The following BCAN variants were observed in gnomAD, a reference collection of about 807,000 sequenced individuals.
The protein encoded by BCAN is brevican core protein.
Under a neutral mutation model 92.4 loss-of-function variants are expected in BCAN, and 51 were observed. That is an observed-to-expected ratio of 0.55 (90% CI 0.44 to 0.70). The LOEUF is 0.70. Among genes scored for constraint, BCAN ranks in the 30% least tolerant of loss-of-function variants. The pLI, the probability that BCAN is intolerant of heterozygous loss-of-function variation, is 0.00. For synonymous variants in BCAN, 501 were observed against 505.2 expected (o/e 0.99, Z 0.11); for missense variants, 1,140 against 1,212.1 (o/e 0.94, Z 0.88).
In BCAN at chr1:156,657,757, G is replaced by A. The variant is rs768277024; in HGVS notation, c.2292G>A (p.Leu764=). The A allele has an allele frequency of 7.5e-6, 12 of 1,609,446 alleles. No individual in the cohort carries two copies. The East Asian group carries it at 2.7e-4, about 36-fold the overall frequency. The change falls in exon 11 of 14, where the codon CTG becomes CTA. Residue 764 remains leucine, a splice_region_variant and synonymous_variant. Coordinates refer to ENST00000329117, the MANE Select transcript of BCAN (RefSeq NM_021948.5). The part of the protein sequence containing the change: ...GDFLWSDGVP[L]LYENWNPGQP... ...TCTTGTGGTCGGATGGCGTCCCCCT[G>A]GTGAGAGGCCCCAGTCGAACCCCGC...
At chr1:156,657,415 T>C in intron 10 of BCAN, 1 of 550,944 alleles carries the variant, frequency 1.8e-6, no homozygotes, top group East Asian at 3.1e-5. Flanking sequence ...CAACTCCAAC[T>C]CCAATCTTGT....
At position 156,648,772 on chromosome 1, in the gene BCAN, G is replaced by T; in HGVS notation, c.974G>T (p.Gly325Val). The stretch of plus-strand genomic sequence containing the variant: ...ACACCCAGCCAGCGCTGTGGTGGGG[G>T]CTTGCCTGGTGTCAAGACTCTCTTC... ...IVTPSQRCGG[G>V]LPGVKTLFLF... Residue 325 changes from glycine to valine, a missense_variant, in exon 6 of 14, where the codon GGC becomes GTC. Coordinates refer to ENST00000329117, the MANE Select transcript of BCAN (RefSeq NM_021948.5). 6.2e-7 allele frequency: 1 copy of T among 1,609,062 alleles called. No homozygotes were observed. Among genetic ancestry groups the T allele is most frequent in the South Asian group, 1.1e-5 (1 of 90,890 alleles).
At chr1:156,648,250 C>T in intron 5 of BCAN, 140 bp downstream of exon 5, 1 of 1,254,256 alleles carries the variant, frequency 8.0e-7, no homozygotes, top group Non-Finnish European at 1.1e-6. Context: ...ATTGGTGTCC[C>T]TCTCTCCAAA....
In BCAN at chr1:156,658,671, A is replaced by C. The variant is rs746340159; in HGVS notation, c.2566A>C (p.Ile856Leu). 2 of 1,614,128 alleles carry C rather than the reference A, an allele frequency of 1.2e-6. No individual in the cohort carries two copies. Among genetic ancestry groups the C allele is most frequent in the Non-Finnish European group, 1.7e-6 (2 of 1,180,040 alleles). ...ACTGGCCCAGCGCAATCTGCCGCTG[A>C]TCCGATGCCAAGAGAACGGTCGTTG... The part of the protein sequence containing the change: ...EGLAQRNLPL[I>L]RCQENGRWEA... Residue 856 changes from isoleucine (I) to leucine (L), a missense_variant, in exon 13 of 14, where the codon ATC (isoleucine) becomes CTC (leucine). By Grantham distance (5) the Ile-to-Leu change is conservative (BLOSUM62 2). This residue lies in a region of BCAN where 825 missense variants were observed against 871.8 expected (regional missense o/e 0.95). Transcript: ENST00000329117. The surrounding 1 kb of genome is among the most constrained non-coding windows in gnomAD (Gnocchi z 4.4).
chr1:156,648,093 A>G lies in BCAN; in HGVS notation c.752A>G (p.Tyr251Cys). 1 of 1,613,628 alleles carries G rather than the reference A, an allele frequency of 6.2e-7. No individual in the cohort carries two copies. ...DPDDLYDVYC[Y>C]AEDLNGELFL... Reference sequence around the variant, plus strand: ...GATGACCTCTATGATGTGTACTGTTATGCTGAAGACCTAAATGGTGATTAG... The same window carrying G: ...GATGACCTCTATGATGTGTACTGTTGTGCTGAAGACCTAAATGGTGATTAG... The change falls in exon 5 of 14, where the codon TAT becomes TGT. Residue 251 changes from tyrosine to cysteine, a missense_variant. Coordinates refer to ENST00000329117, the MANE Select transcript of BCAN (RefSeq NM_021948.5).
chr1:156,651,066 C>T (rs1679146310), intron 6 of BCAN, among the ~76,000 whole-genome samples: 1 of 152,246 alleles, frequency 6.6e-6, no homozygotes, highest in South Asian at 2.1e-4. Flanking sequence ...GGGAATATCT[C>T]TCACCTGAGC....
rs1017739899 is a variant in BCAN at position 156,658,009 on chromosome 1, T to G, written c.2293-118T>G. 1.6e-6 allele frequency: 2 copies of G among 1,220,832 alleles called. No homozygotes were observed. The highest frequency in any genetic ancestry group is 2.4e-5 in the Admixed American group (1 of 42,210). 75.6% of individuals were successfully genotyped at this position (1,220,832 alleles called of 1,614,324 possible). ...CTTCCCCGGGAGATCCCCTACCCCCTAGCCCTAACCTTCCCTCTCCTGGGG... is the reference window on the plus strand; with the variant it reads ...CTTCCCCGGGAGATCCCCTACCCCCGAGCCCTAACCTTCCCTCTCCTGGGG... On this transcript the variant is annotated intron_variant, in intron 11 of 13. Transcript: ENST00000329117. This position sits in a 1 kb window ranked among gnomAD's most constrained non-coding sequence, Gnocchi z 4.4.
chr1:156,647,983 G>A lies in BCAN; in HGVS notation c.642G>A (p.Arg214=), dbSNP rs745506954. 1.9e-6 allele frequency: 3 copies of A among 1,613,234 alleles called. No homozygotes were observed. Among genetic ancestry groups the A allele is most frequent in the East Asian group, 4.5e-5 (2 of 44,840 alleles). Reference sequence around the variant, plus strand: ...AAGTGATTCTGTCCTTCCTCCCTAGGTATCCCATCCAGACCCCACGAGAGG... The same window carrying A: ...AAGTGATTCTGTCCTTCCTCCCTAGATATCCCATCCAGACCCCACGAGAGG... ...DAGWLSDQTV[R]YPIQTPREAC... The change falls in exon 5 of 14, where the codon AGG becomes AGA. Residue 214 remains arginine, a splice_region_variant and synonymous_variant. Coordinates refer to ENST00000329117, the MANE Select transcript of BCAN (RefSeq NM_021948.5). The surrounding 1 kb of genome is among the most constrained non-coding windows in gnomAD (Gnocchi z 4.8).
At chr1:156,651,893 G>C (rs999220557) in intron 7 of BCAN, among the ~76,000 whole-genome samples, 1 of 148,346 alleles carries the variant, frequency 6.7e-6, no homozygotes, top group African/African-American at 2.6e-5. Context: ...TATGGAGCTA[G>C]AGATGCTTGC....
rs1295153500 is a variant in BCAN at position 156,651,612 on chromosome 1, C to G, written c.1220C>G (p.Ser407Cys). The G allele has an allele frequency of 6.2e-7, 1 of 1,613,930 alleles. No homozygotes were observed. Among genetic ancestry groups the G allele is most frequent in the Non-Finnish European group, 8.5e-7 (1 of 1,180,030 alleles). The change falls in exon 7 of 14, where the codon TCC becomes TGC. Residue 407 changes from serine to cysteine, a missense_variant. Physicochemically the swap from Ser to Cys is moderately radical, Grantham distance 112. Around this residue, in one of 3 missense-constraint regions of BCAN, gnomAD observed 825 missense variants for 871.8 expected, o/e 0.95. Transcript: ENST00000329117. ...AGTGAATCCCGTGGGGCCATCTACT[C>G]CATCCCCATCATGGAGGACGGAGGA... ...TESESRGAIY[S>C]IPIMEDGGGG...
rs575553934 is a variant in BCAN at position 156,647,277 on chromosome 1, G to A, written c.466+102G>A. On this transcript the variant is annotated intron_variant, in intron 3 of 13. Transcript: ENST00000329117. The surrounding 1 kb of genome is among the most constrained non-coding windows in gnomAD (Gnocchi z 4.8). ...TGTGAGAGGGAAGCAAAGGTAGCTGGAAGGCGCAGCCTGGGTTGGAAAAAG... is the reference window on the plus strand; with the variant it reads ...TGTGAGAGGGAAGCAAAGGTAGCTGAAAGGCGCAGCCTGGGTTGGAAAAAG... The A allele has an allele frequency of 7.9e-5, 109 of 1,381,476 alleles. No homozygotes were observed. The highest frequency in any genetic ancestry group is 1.5e-4 in the Admixed American group (5 of 34,154). 85.6% of individuals were successfully genotyped at this position (1,381,476 alleles called of 1,614,324 possible). A position where few individuals can be genotyped will look rare whatever the true frequency, so the allele number is the denominator to read the frequency against.
rs1679222718 is a variant in BCAN at position 156,652,880 on chromosome 1, G to A, written c.1930G>A (p.Val644Ile). 1.2e-6 allele frequency: 2 copies of A among 1,613,662 alleles called. No individual in the cohort carries two copies. Among genetic ancestry groups the A allele is most frequent in the Non-Finnish European group, 1.7e-6 (2 of 1,180,004 alleles). The change falls in exon 8 of 14, where the codon GTC becomes ATC. Residue 644 changes from valine (V) to isoleucine (I), a missense_variant. Val to Ile is a conservative substitution (Grantham distance 29). Coordinates refer to ENST00000329117, the MANE Select transcript of BCAN (RefSeq NM_021948.5). ...CGCCAGCCGAGGTGGAGTGGCCGTG[G>A]TCCCCGCATCAGGTAATTCTGCCCA... is the stretch of plus-strand genomic sequence containing the variant. ...DSASRGGVAV[V>I]PASGDCVPSP...
intron 9 of BCAN, 131 bp downstream of exon 9, chr1:156,656,520 A>G: frequency 1.5e-6 from 1 of 673,044 alleles, no homozygotes; most frequent in Non-Finnish European, 2.2e-6. Context: ...CAAGTTGCAT[A>G]ACTTCTTTGA....
At chr1:156,651,819 T>C in intron 7 of BCAN, 130 bp downstream of exon 7, 2 of 829,158 alleles carry the variant, frequency 2.4e-6, no homozygotes, top group Non-Finnish European at 3.7e-6. Flanking sequence ...AGCTCAGGGG[T>C]GCAGGGCACC....
intron 6 of BCAN, among the ~76,000 whole-genome samples, chr1:156,651,081 C>T (rs948789107): frequency 1.3e-5 from 2 of 152,260 alleles, no homozygotes; most frequent in Non-Finnish European, 2.9e-5. Flanking sequence ...CTGAGCCTTT[C>T]CTGACCACTC....
At chr1:156,652,205 A>T in intron 7 of BCAN, 43 bp from the exon 8 acceptor site, 1 of 1,539,574 alleles carries the variant, frequency 6.5e-7, no homozygotes, top group Non-Finnish European at 8.7e-7. Context: ...CGGTCCTTGG[A>T]CAGACGCTGT....
Position 156,646,103 on chromosome 1 carries a change from G to A in BCAN, c.49G>A (p.Ala17Thr). 6.2e-7 allele frequency: 1 copy of A among 1,613,860 alleles called. No homozygotes were observed. The highest frequency in any genetic ancestry group is 8.5e-7 in the Non-Finnish European group (1 of 1,179,810). The change falls in exon 2 of 14, where the codon GCT (alanine) becomes ACT (threonine). Residue 17 changes from alanine to threonine, a missense_variant. Physicochemically the swap from Ala to Thr is moderately conservative, Grantham distance 58. This residue lies in a region of BCAN where 286 missense variants were observed against 284.1 expected (regional missense o/e 1.01). Transcript: ENST00000329117. ...GCTGGCAGCCCTGGTCCTGGCCCAG[G>A]CTCCTGCAGCTTTAGCAGATGTTCT... Reference protein sequence around the residue: ...PLLAALVLAQAPAALADVLEG... With the variant: ...PLLAALVLAQTPAALADVLEG...
intron 8 of BCAN, among the ~76,000 whole-genome samples, chr1:156,654,793 G>A (rs1679281570): frequency 6.6e-6 from 1 of 152,206 alleles, no homozygotes; most frequent in Admixed American, 6.5e-5. Context: ...TGCTTAATGG[G>A]TTAAATGAAA....
chr1:156,658,991 G>A lies in BCAN; in HGVS notation c.2629-36G>A. On this transcript the variant is annotated intron_variant, in intron 13 of 13. Transcript: ENST00000329117. This position sits in a 1 kb window ranked among gnomAD's most constrained non-coding sequence, Gnocchi z 4.4. ...CAGGCTCTGAGGAGAGGAGAAGGAA[G>A]AGCCAGGGTGGAGGGTGAGTGTGTG... 1.3e-6 allele frequency: 2 copies of A among 1,542,622 alleles called. No individual in the cohort carries two copies. Among genetic ancestry groups the A allele is most frequent in the Non-Finnish European group, 1.8e-6 (2 of 1,134,508 alleles).
Sources: allele counts gnomAD v4.1 joint callset (sites outside exome capture counted in the v4.1 genomes callset), GRCh38; gene constraint gnomAD v4.1.1; regional missense constraint gnomAD v4.1.1; non-coding constraint Gnocchi (gnomAD v3.1); transcripts MANE v1.5; gene names NCBI Gene and HGNC (gene_info 2026-07-23, HGNC 2026-07-21).